ADGRL3: variants seen among roughly 807,000 people sequenced by gnomAD.
ADGRL3 encodes adhesion G protein-coupled receptor L3, also known as calcium-independent alpha-latrotoxin receptor 3.
In ADGRL3, 62 loss-of-function variants were observed where a neutral mutation model predicts 153.5. The ratio of observed to expected loss-of-function variants is 0.40; its 90% CI spans 0.33 to 0.50. The LOEUF (loss-of-function observed/expected upper bound fraction) is 0.50, where lower values mean the gene tolerates loss of function less well. ADGRL3 is among the 20% of genes least tolerant of loss of function. The probability of loss-of-function intolerance (pLI) is 0.47; values close to 1 mark genes in which losing one functional copy is unlikely to be tolerated. For missense variants in ADGRL3, 1,641 were observed against 1,859.4 expected, an observed-to-expected ratio of 0.88 and a Z score of 2.16; for synonymous variants, 710 against 672.5, an observed-to-expected ratio of 1.06 and a Z score of -0.86.
In ADGRL3 at chr4:61,202,967, G is replaced by T. The variant is rs1560352744; in HGVS notation, c.-240+1202G>T. ...CTCTTAACTGGAAAATCTGGTTTGA[G>T]GAGGCCACGGGGGCCCCCGCAGGGT... On this transcript the variant is annotated intron_variant, in intron 1 of 26. Transcript: ENST00000683033. The surrounding 1 kb of genome is among the most constrained non-coding windows in gnomAD (Gnocchi z 5.0). Among the ~76,000 whole-genome samples, 1 of 152,168 alleles carries T rather than the reference G, an allele frequency of 6.6e-6. No homozygotes were observed. Among genetic ancestry groups the T allele is most frequent in the Non-Finnish European group, 1.5e-5 (1 of 68,038 alleles).
chr4:61,537,187 T>A (rs1314507025), intron 4 of ADGRL3, among the ~76,000 whole-genome samples: 2 of 148,488 alleles, frequency 1.3e-5, no homozygotes, highest in African/African-American at 2.5e-5. Context: ...TTTTTTTTAA[T>A]TTAGGTAGTC....
intron 1 of ADGRL3, among the ~76,000 whole-genome samples, chr4:61,330,623 C>A (rs1051457614): frequency 4.6e-5 from 7 of 152,118 alleles, no homozygotes; most frequent in African/African-American, 1.7e-4. Flanking sequence ...AGCCGCAGAC[C>A]TTCACGGTGA....
At position 61,590,275 on chromosome 4, in the gene ADGRL3, T is replaced by A. The variant is rs148795905; in HGVS notation, c.473+2835T>A. Among the ~76,000 whole-genome samples, 27 of 152,260 alleles carry A rather than the reference T, an allele frequency of 1.8e-4. No homozygotes were observed. In the East Asian group the frequency reaches 5.0e-3, roughly 28 times the overall value. The stretch of plus-strand genomic sequence containing the variant: ...AACCAACTTTGGATATATAAATGAA[T>A]AAATAAATATGCTAATTTTGTTATG... On this transcript the variant is annotated intron_variant, in intron 5 of 26. Transcript: ENST00000683033.
chr4:61,743,481 T>A (rs2096610443), intron 8 of ADGRL3, among the ~76,000 whole-genome samples: 1 of 152,114 alleles, frequency 6.6e-6, no homozygotes, highest in African/African-American at 2.4e-5. Context: ...TTGAAGAAAC[T>A]TTTGCCTTTC....
rs79998492 is a variant in ADGRL3, at chr4:61,334,132, G to A, written c.-239-48992G>A. ...GGGTTTTGCCATGTTGGCCAGGCTGGTCTCAAACTCCTGGCCTCAAGTTAT... is the reference window on the plus strand; with the variant it reads ...GGGTTTTGCCATGTTGGCCAGGCTGATCTCAAACTCCTGGCCTCAAGTTAT... On this transcript the variant is annotated intron_variant, in intron 1 of 26. Coordinates refer to ENST00000683033, the MANE Select transcript of ADGRL3 (RefSeq NM_001387552.1). 1.0e-3 allele frequency among the ~76,000 whole-genome samples: 158 copies of A among 152,198 alleles called. 2 individuals are homozygous for A. The East Asian group carries it at 0.022, about 21-fold the overall frequency.
chr4:61,931,766 G>T (rs1560392665), intron 13 of ADGRL3, among the ~76,000 whole-genome samples: 1 of 152,000 alleles, frequency 6.6e-6, no homozygotes, highest in Non-Finnish European at 1.5e-5. Context: ...GCAATTGTTT[G>T]GGCTTTAGTA....
At chr4:61,323,396 T>TG (rs2095403774) in intron 1 of ADGRL3, among the ~76,000 whole-genome samples, 1 of 111,098 alleles carries the variant, frequency 9.0e-6, no homozygotes, top group Admixed American at 1.0e-4. Context: ...CCTCAAAATA[T>TG]GGATTTTTTT....
intron 2 of ADGRL3, among the ~76,000 whole-genome samples, chr4:61,433,637 A>G (rs1156415830): frequency 6.6e-6 from 1 of 151,784 alleles, no homozygotes; most frequent in Non-Finnish European, 1.5e-5. Flanking sequence ...CGCCCTTTGG[A>G]TTTCTATTCT....
intron 11 of ADGRL3, among the ~76,000 whole-genome samples, chr4:61,902,878 A>G (rs2098672276): frequency 6.6e-6 from 1 of 152,222 alleles, no homozygotes; most frequent in Non-Finnish European, 1.5e-5. Context: ...TGTACAGATA[A>G]ATTTTTAATA....
At chr4:61,341,904 T>C (rs890420854) in intron 1 of ADGRL3, among the ~76,000 whole-genome samples, 1 of 152,176 alleles carries the variant, frequency 6.6e-6, no homozygotes, top group South Asian at 2.1e-4. Flanking sequence ...AATTTGTAAT[T>C]AATATTTTGT....
At chr4:61,516,646 A>T (rs1277902747) in intron 3 of ADGRL3, among the ~76,000 whole-genome samples, 1 of 152,128 alleles carries the variant, frequency 6.6e-6, no homozygotes, top group African/African-American at 2.4e-5. Context: ...TGTAATATGT[A>T]CCATTTGTCA....
At chr4:61,583,583 C>A in intron 4 of ADGRL3, 1 of 464,024 alleles carries the variant, frequency 2.2e-6, no homozygotes, top group Admixed American at 2.3e-5. Context: ...TGATCAAAAG[C>A]ACTTTTCACT....
Position 61,948,152 on chromosome 4 carries a change from G to T in ADGRL3, c.2681G>T (p.Arg894Leu), listed in dbSNP as rs372785017. 44 of 1,613,458 alleles carry T rather than the reference G, an allele frequency of 2.7e-5. No homozygotes were observed. Among genetic ancestry groups the T allele is most frequent in the Middle Eastern group, 1.6e-4 (1 of 6,082 alleles). Residue 894 changes from arginine to leucine, a missense_variant, in exon 17 of 27, where the codon CGT (arginine) becomes CTT (leucine). Transcript: ENST00000683033. The part of the protein sequence containing the change: ...PNCSFWSYSK[R>L]TMTGYWSTQG... Reference sequence around the variant, plus strand: ...TGTTCATTTTGGAGCTACTCCAAGCGTACAATGACAGGTTATTGGTCAACA... The same window carrying T: ...TGTTCATTTTGGAGCTACTCCAAGCTTACAATGACAGGTTATTGGTCAACA...
At chr4:61,962,677 C>T (rs2098992376) in intron 17 of ADGRL3, among the ~76,000 whole-genome samples, 3 of 152,058 alleles carry the variant, frequency 2.0e-5, no homozygotes, top group Admixed American at 2.0e-4. Context: ...TCAAGATGTT[C>T]AGTTACTATC....
chr4:61,749,575 T>C (rs188398121), intron 8 of ADGRL3, among the ~76,000 whole-genome samples: 12,157 of 152,048 alleles, frequency 0.08, 997 homozygotes, highest in African/African-American at 0.21. Context: ...TGGATGAAAT[T>C]GGAAATCATC....
chr4:61,422,896 T>G lies in ADGRL3; in HGVS notation c.-174+39707T>G, dbSNP rs953577471. 6.6e-5 allele frequency among the ~76,000 whole-genome samples: 10 copies of G among 151,958 alleles called. No homozygotes were observed. In the East Asian group the frequency reaches 1.2e-3, roughly 18 times the overall value. ...ATAAATGGTGGGTTGCTATCTTGGTTTGGCAAAAAATAAGAATGTTATATA... is the reference window on the plus strand; with the variant it reads ...ATAAATGGTGGGTTGCTATCTTGGTGTGGCAAAAAATAAGAATGTTATATA... On this transcript the variant is annotated intron_variant, in intron 2 of 26. Transcript: ENST00000683033.
intron 1 of ADGRL3, among the ~76,000 whole-genome samples, chr4:61,276,526 GT>G (rs1366331399): frequency 6.6e-6 from 1 of 152,064 alleles, no homozygotes; most frequent in Non-Finnish European, 1.5e-5. Context: ...AGAAATTCCT[GT>G]ACTAAATTGT....
rs531178779 is a variant in ADGRL3 at position 61,202,020 on chromosome 4, G to C, written c.-240+255G>C. On this transcript the variant is annotated intron_variant, in intron 1 of 26. Transcript: ENST00000683033. The surrounding 1 kb of genome is among the most constrained non-coding windows in gnomAD (Gnocchi z 5.0). The stretch of plus-strand genomic sequence containing the variant: ...GCCATTGGGCGATTTGACCGGCCGA[G>C]GGGAGTGAGGGGGATAAGAGACTGG... 1 of 152,746 alleles carries C rather than the reference G, an allele frequency of 6.5e-6. No homozygotes were observed. The highest frequency in any genetic ancestry group is 1.9e-4 in the East Asian group (1 of 5,144). 9.5% of individuals were successfully genotyped at this position (152,746 alleles called of 1,614,324 possible).
chr4:61,569,545 C>A (rs935698564), intron 4 of ADGRL3, among the ~76,000 whole-genome samples: 8 of 152,094 alleles, frequency 5.3e-5, no homozygotes, highest in African/African-American at 1.9e-4. Flanking sequence ...GGAGCCTGGG[C>A]AATATAGCAA....
Sources: allele counts gnomAD v4.1 joint callset (sites outside exome capture counted in the v4.1 genomes callset), GRCh38; gene constraint gnomAD v4.1.1; non-coding constraint Gnocchi (gnomAD v3.1); transcripts MANE v1.5; gene names NCBI Gene and HGNC (gene_info 2026-07-23, HGNC 2026-07-21).